The following DCDC1 variants were observed in gnomAD, a reference collection of about 807,000 sequenced individuals.
DCDC1 encodes the protein doublecortin domain-containing protein 1.
DCDC1 carries 200 observed loss-of-function variants against 178.3 expected under a neutral mutation model. That is an observed-to-expected ratio of 1.12 (90% CI 1.00 to 1.26). The LOEUF is 1.26. Among genes scored for constraint, DCDC1 ranks in the 50% most tolerant of loss-of-function variants. The pLI is 0.00. For missense variants in DCDC1, 1,983 were observed against 1,749.2 expected, an observed-to-expected ratio of 1.13 and a Z score of -2.38; for synonymous variants, 690 against 604.8, an observed-to-expected ratio of 1.14 and a Z score of -2.07.
At chr11:31,307,462 T>C in intron 4 of DCDC1, 177 bp downstream of exon 4, 3 of 723,770 alleles carry the variant, frequency 4.1e-6, no homozygotes, top group East Asian at 2.7e-5. Flanking sequence ...TTTCCCACAG[T>C]GTAATTAACA....
chr11:31,118,708 G>A (rs1024156655), intron 11 of DCDC1, among the ~76,000 whole-genome samples: 1 of 152,180 alleles, frequency 6.6e-6, no homozygotes, highest in African/African-American at 2.4e-5. Flanking sequence ...CATTTAGTCC[G>A]AATAACTGCT....
intron 2 of DCDC1, among the ~76,000 whole-genome samples, 192 bp downstream of exon 2, chr11:31,335,255 G>A (rs1950211459): frequency 6.6e-6 from 1 of 152,204 alleles, no homozygotes; most frequent in Non-Finnish European, 1.5e-5. Context: ...AAGACCATTG[G>A]AAAAGCGCAG....
intron 3 of DCDC1, among the ~76,000 whole-genome samples, chr11:31,310,965 T>G (rs1038861046): frequency 1.3e-5 from 2 of 152,210 alleles, no homozygotes; most frequent in African/African-American, 4.8e-5. Flanking sequence ...GACTCCATGC[T>G]TTTTGACTCA....
At position 31,297,288 on chromosome 11, in the gene DCDC1, C is replaced by T. The variant is rs1198137441; in HGVS notation, c.755-6436G>A. On this transcript the variant is annotated intron_variant, in intron 6 of 38. Coordinates refer to ENST00000684477, the MANE Select transcript of DCDC1 (RefSeq NM_001387274.1). ...CTGTAGGGTATGTGGGGCAGGGAGC[C>T]AAGCAATTCAAACAAGAACCCTAAT... 2.0e-5 allele frequency among the ~76,000 whole-genome samples: 3 copies of T among 152,008 alleles called. No individual in the cohort carries two copies. The East Asian group carries it at 5.8e-4, about 29-fold the overall frequency.
intron 17 of DCDC1, among the ~76,000 whole-genome samples, chr11:31,088,659 T>G (rs553255116): frequency 4.9e-4 from 75 of 152,306 alleles, no homozygotes; most frequent in African/African-American, 1.8e-3. Context: ...TTATCACTAT[T>G]GCTTTAAACA....
intron 20 of DCDC1, among the ~76,000 whole-genome samples, chr11:31,007,185 GC>G (rs1951895681): frequency 6.6e-6 from 1 of 152,156 alleles, no homozygotes; most frequent in African/African-American, 2.4e-5. Context: ...GAATAAAAAA[GC>G]CACATTATTA....
chr11:31,108,508 T>TA (rs1958997337), intron 12 of DCDC1, among the ~76,000 whole-genome samples: 2 of 152,226 alleles, frequency 1.3e-5, no homozygotes, highest in African/African-American at 4.8e-5. Context: ...GATCATTTTT[T>TA]AAATCACAGA....
intron 21 of DCDC1, among the ~76,000 whole-genome samples, chr11:30,938,049 C>A (rs1590435867): frequency 6.6e-6 from 1 of 152,102 alleles, no homozygotes; most frequent in East Asian, 1.9e-4. Flanking sequence ...CACCTCCTTG[C>A]TTGAACCTCC....
intron 1 of DCDC1, among the ~76,000 whole-genome samples, chr11:31,352,231 G>A (rs1177412473): frequency 1.3e-5 from 2 of 152,060 alleles, no homozygotes; most frequent in Non-Finnish European, 2.9e-5. Context: ...AAGAAACCAT[G>A]TGCTGTCATG....
At chr11:30,876,528 G>A (rs925000944) in intron 38 of DCDC1, among the ~76,000 whole-genome samples, 4 of 152,150 alleles carry the variant, frequency 2.6e-5, no homozygotes, top group African/African-American at 4.8e-5. Flanking sequence ...GTTGATGACT[G>A]TTACATTACA....
chr11:31,299,041 C>T (rs973130649), intron 6 of DCDC1, among the ~76,000 whole-genome samples: 1 of 152,158 alleles, frequency 6.6e-6, no homozygotes, highest in Admixed American at 6.5e-5. Context: ...AGTAAGAAAA[C>T]ATACTGCTAT....
intron 9 of DCDC1, among the ~76,000 whole-genome samples, chr11:31,221,916 C>T (rs1974323773): frequency 6.6e-6 from 1 of 152,130 alleles, no homozygotes; most frequent in Non-Finnish European, 1.5e-5. Context: ...GAGGCTCTCC[C>T]AACACTTTGC....
chr11:31,169,878 A>C (rs1304246172), intron 9 of DCDC1, among the ~76,000 whole-genome samples: 1 of 152,164 alleles, frequency 6.6e-6, no homozygotes, highest in African/African-American at 2.4e-5. Flanking sequence ...GGAGAGACAA[A>C]GATTTTGGGG....
intron 6 of DCDC1, among the ~76,000 whole-genome samples, chr11:31,299,813 C>A (rs988029370): frequency 6.6e-6 from 1 of 152,112 alleles, no homozygotes; most frequent in Non-Finnish European, 1.5e-5. Flanking sequence ...TTTATATCAT[C>A]TTCTTTACTT....
intron 8 of DCDC1, among the ~76,000 whole-genome samples, chr11:31,242,368 A>C (rs1040348857): frequency 6.6e-6 from 1 of 152,076 alleles, no homozygotes. Context: ...AAGTCTTTCT[A>C]GTGTAAAATA....
chr11:30,894,195 A>C, intron 35 of DCDC1, 53 bp downstream of exon 35: 1 of 1,577,398 alleles, frequency 6.3e-7, no homozygotes, highest in Non-Finnish European at 8.6e-7. Flanking sequence ...TGTACTTTTA[A>C]ATACTCATAA....
intron 20 of DCDC1, among the ~76,000 whole-genome samples, chr11:30,975,642 C>T (rs1052423153): frequency 6.6e-6 from 1 of 151,688 alleles, no homozygotes; most frequent in African/African-American, 2.4e-5. Flanking sequence ...AAATACCTAG[C>T]AATAGATTTA....
At chr11:30,999,621 T>C (rs1213348137) in intron 20 of DCDC1, among the ~76,000 whole-genome samples, 1 of 152,096 alleles carries the variant, frequency 6.6e-6, no homozygotes, top group East Asian at 1.9e-4. Flanking sequence ...CCAAAAAGCA[T>C]GATCCCCAGG....
chr11:31,290,691 GCCC>G lies in DCDC1; in HGVS notation c.913_915del (p.Gly305del), dbSNP rs1565558929. Reference sequence around the variant, plus strand: ...CCCACTGTAATCTCATGCCCATCCTGCCCCATGCCATTCTTAAAGAACAGAATT... The same window carrying G: ...CCCACTGTAATCTCATGCCCATCCTGCATGCCATTCTTAAAGAACAGAATT... On this transcript the variant is annotated inframe_deletion, in exon 7 of 39. Transcript: ENST00000684477. The G allele has an allele frequency of 6.2e-7, 1 of 1,613,148 alleles. No homozygotes were observed. The highest frequency in any genetic ancestry group is 1.7e-5 in the Admixed American group (1 of 59,954).
Sources: allele counts gnomAD v4.1 joint callset (sites outside exome capture counted in the v4.1 genomes callset), GRCh38; gene constraint gnomAD v4.1.1; transcripts MANE v1.5; gene names NCBI Gene and HGNC (gene_info 2026-07-23, HGNC 2026-07-21).